The following PDE4D variants were observed in gnomAD, a reference collection of about 807,000 sequenced individuals.
PDE4D encodes phosphodiesterase 4D.
A neutral mutation model predicts 87.4 loss-of-function variants in PDE4D; 24 were observed. That is an observed-to-expected ratio of 0.27 (90% CI 0.20 to 0.39). The LOEUF is 0.39. PDE4D is among the 10% of genes least tolerant of loss of function. The pLI is 1.00. For synonymous variants in PDE4D, 384 were observed against 383.2 expected, an observed-to-expected ratio of 1.00 and a Z score of -0.02; for missense variants, 714 against 1,041.0, an observed-to-expected ratio of 0.69 and a Z score of 4.32.
At chr5:59,902,770 C>A (rs7708877) in intron 3 of PDE4D, among the ~76,000 whole-genome samples, 1 of 151,670 alleles carries the variant, frequency 6.6e-6, no homozygotes, top group South Asian at 2.1e-4. Context: ...AGTTGAATAT[C>A]TCATTTCAGA....
intron 1 of PDE4D, among the ~76,000 whole-genome samples, chr5:59,810,653 A>T (rs1296712701): frequency 6.6e-6 from 1 of 152,140 alleles, no homozygotes; most frequent in African/African-American, 2.4e-5. Flanking sequence ...TTCCAGGTCC[A>T]CCAGCCTCAG....
At chr5:60,072,238 T>C (rs1437921917) in intron 2 of PDE4D, among the ~76,000 whole-genome samples, 1 of 152,192 alleles carries the variant, frequency 6.6e-6, no homozygotes, top group Non-Finnish European at 1.5e-5. Flanking sequence ...TGGCATCTCG[T>C]GGTTTTGACT....
At chr5:59,916,443 A>G (rs938357364) in intron 3 of PDE4D, among the ~76,000 whole-genome samples, 1 of 152,234 alleles carries the variant, frequency 6.6e-6, no homozygotes. Flanking sequence ...CCAGACATAC[A>G]GTGAACAATA....
chr5:59,025,787 A>G lies in PDE4D; in HGVS notation c.921+13072T>C, dbSNP rs550617149. ...CAGACATTAGCCTGCACTTACTCCAATATGGCAGCCGCATCTTTGCCTCTT... is the reference window on the plus strand; with the variant it reads ...CAGACATTAGCCTGCACTTACTCCAGTATGGCAGCCGCATCTTTGCCTCTT... On this transcript the variant is annotated intron_variant, in intron 6 of 14. Coordinates refer to ENST00000340635, the MANE Select transcript of PDE4D (RefSeq NM_001104631.2). Among the ~76,000 whole-genome samples the G allele has an allele frequency of 2.8e-4, 43 of 152,350 alleles. No homozygotes were observed. The South Asian group carries it at 4.6e-3, about 16-fold the overall frequency.
chr5:59,205,653 AACACACACACAC>A (rs35509503), intron 2 of PDE4D, among the ~76,000 whole-genome samples: 122 of 136,406 alleles, frequency 8.9e-4, no homozygotes, highest in Middle Eastern at 3.7e-3. Flanking sequence ...CCACTAGCTA[AACACACACACAC>A]ACACACACAC....
chr5:59,262,314 T>G (rs1762135560), intron 1 of PDE4D, among the ~76,000 whole-genome samples: 1 of 151,948 alleles, frequency 6.6e-6, no homozygotes, highest in South Asian at 2.1e-4. Context: ...AAATAAAACT[T>G]TTCTTTAAGG....
At chr5:60,194,417 T>C (rs944313945) in intron 1 of PDE4D, among the ~76,000 whole-genome samples, 1 of 151,692 alleles carries the variant, frequency 6.6e-6, no homozygotes, top group African/African-American at 2.4e-5. Context: ...GTCTTCTTAT[T>C]TTGTCTACAT....
chr5:59,574,003 A>T (rs1822339961), intron 1 of PDE4D, among the ~76,000 whole-genome samples: 1 of 125,946 alleles, frequency 7.9e-6, no homozygotes, highest in African/African-American at 3.3e-5. Context: ...GTCTCAAAAA[A>T]AAATATATAT....
intron 1 of PDE4D, among the ~76,000 whole-genome samples, chr5:59,813,554 C>G (rs573665937): frequency 6.6e-6 from 1 of 151,980 alleles, no homozygotes; most frequent in South Asian, 2.1e-4. Flanking sequence ...GATTTATTTG[C>G]CATTAGCAGA....
At chr5:59,005,771 T>G (rs373210631) in intron 6 of PDE4D, among the ~76,000 whole-genome samples, 14 of 152,250 alleles carry the variant, frequency 9.2e-5, no homozygotes, top group African/African-American at 2.9e-4. Context: ...TTCTTACATA[T>G]TCAATAACTT....
intron 2 of PDE4D, among the ~76,000 whole-genome samples, chr5:60,170,214 C>T (rs1334603290): frequency 6.6e-6 from 1 of 151,942 alleles, no homozygotes; most frequent in Admixed American, 6.6e-5. Flanking sequence ...GACACTTTAA[C>T]GTGCTTTGTC....
At chr5:59,329,829 C>T (rs949279007) in intron 1 of PDE4D, among the ~76,000 whole-genome samples, 1 of 152,170 alleles carries the variant, frequency 6.6e-6, no homozygotes, top group Non-Finnish European at 1.5e-5. Flanking sequence ...ATTCTCACCA[C>T]ATTGACATTT....
At chr5:59,767,401 C>G (rs1762936649) in intron 1 of PDE4D, among the ~76,000 whole-genome samples, 1 of 152,026 alleles carries the variant, frequency 6.6e-6, no homozygotes, top group Admixed American at 6.6e-5. Flanking sequence ...TTGGAATGGC[C>G]TCTACTCAGG....
At chr5:59,783,624 T>TC (rs1764839251) in intron 1 of PDE4D, among the ~76,000 whole-genome samples, 1 of 152,224 alleles carries the variant, frequency 6.6e-6, no homozygotes, top group Non-Finnish European at 1.5e-5. Context: ...TCTAAAACAT[T>TC]TATTTCATTT....
intron 1 of PDE4D, among the ~76,000 whole-genome samples, chr5:59,692,051 T>C (rs73758851): frequency 0.085 from 12,975 of 152,150 alleles, 1,722 homozygotes; most frequent in African/African-American, 0.29. Flanking sequence ...GAAGAATTCA[T>C]AGGTTTCATC....
rs10525960 is a variant in PDE4D at position 60,337,164 on chromosome 5, CAAAA to C, written c.-90+150774_-90+150777del. On this transcript the variant is annotated intron_variant, in intron 1 of 16. Coordinates refer to the PDE4D transcript ENST00000502484. Reference sequence around the variant, plus strand: ...GTGAACCCTGTCTCTACTGAAAATACAAAAAAAAAAAAAAAAAATTTAGCTGGGC... The same window carrying C: ...GTGAACCCTGTCTCTACTGAAAATACAAAAAAAAAAAAAATTTAGCTGGGC... Among the ~76,000 whole-genome samples, 125 of 106,376 alleles carry C rather than the reference CAAAA, an allele frequency of 1.2e-3. 1 individual carries two copies. Among genetic ancestry groups the C allele is most frequent in the African/African-American group, 3.5e-3 (114 of 32,850 alleles). The allele number at this position is 106,376 out of a possible 152,430, so 69.8% of individuals were successfully genotyped here. A position where few individuals can be genotyped will look rare whatever the true frequency, so the allele number is the denominator to read the frequency against.
At chr5:59,717,837 T>C (rs1249798727) in intron 1 of PDE4D, among the ~76,000 whole-genome samples, 2 of 152,236 alleles carry the variant, frequency 1.3e-5, no homozygotes, top group Admixed American at 6.5e-5. Context: ...TATGTACTCA[T>C]TCAGTCCTCC....
intron 1 of PDE4D, among the ~76,000 whole-genome samples, chr5:60,398,083 C>T (rs1763007681): frequency 6.6e-6 from 1 of 152,080 alleles, no homozygotes; most frequent in Non-Finnish European, 1.5e-5. Flanking sequence ...GGAGAAAATG[C>T]CATTCTTTTT....
intron 1 of PDE4D, among the ~76,000 whole-genome samples, chr5:59,777,869 G>A (rs1227129801): frequency 6.6e-6 from 1 of 151,838 alleles, no homozygotes; most frequent in Non-Finnish European, 1.5e-5. Context: ...CATTCTAGAA[G>A]CAAACTTTGC....
Sources: gnomAD v4.1 joint callset for allele counts (sites outside exome capture counted in the v4.1 genomes callset) on GRCh38, gnomAD v4.1.1 for gene constraint, MANE v1.5 for transcripts, NCBI Gene and HGNC (gene_info 2026-07-23, HGNC 2026-07-21) for gene names.